RAP1A: variants seen among roughly 807,000 people sequenced by gnomAD.
The protein encoded by RAP1A is RAP1A, member of RAS oncogene family.
A neutral mutation model predicts 26.4 loss-of-function variants in RAP1A; 6 were observed. That is an observed-to-expected ratio of 0.23 (90% CI 0.12 to 0.45). The LOEUF (loss-of-function observed/expected upper bound fraction) is 0.45, where lower values mean the gene tolerates loss of function less well. Among genes scored for constraint, RAP1A ranks in the 20% least tolerant of loss-of-function variants. RAP1A has a pLI of 0.99. For missense variants in RAP1A, 121 were observed against 217.2 expected, an observed-to-expected ratio of 0.56 and a Z score of 2.78; for synonymous variants, 73 against 79.4, an observed-to-expected ratio of 0.92 and a Z score of 0.43.
intron 1 of RAP1A, among the ~76,000 whole-genome samples, chr1:111,585,939 A>G (rs904817836): frequency 6.6e-6 from 1 of 152,218 alleles, no homozygotes; most frequent in African/African-American, 2.4e-5. Flanking sequence ...GAAATAAAGG[A>G]CAATTCCTGC....
At chr1:111,607,650 G>A (rs766199708) in intron 1 of RAP1A, among the ~76,000 whole-genome samples, 6 of 121,768 alleles carry the variant, frequency 4.9e-5, no homozygotes, top group African/African-American at 9.3e-5. Context: ...GGCTGACCCC[G>A]CCACGTCCCT....
chr1:111,642,478 A>G (rs908954619), intron 1 of RAP1A, among the ~76,000 whole-genome samples: 1 of 151,056 alleles, frequency 6.6e-6, no homozygotes, highest in African/African-American at 2.4e-5. Flanking sequence ...CTGATAAACT[A>G]GAGTAGGTGT....
At chr1:111,628,124 T>C (rs1414456019) in intron 1 of RAP1A, among the ~76,000 whole-genome samples, 3 of 152,108 alleles carry the variant, frequency 2.0e-5, no homozygotes, top group Non-Finnish European at 4.4e-5. Flanking sequence ...CCCCATAGGA[T>C]TGTTGAGAGG....
At chr1:111,622,682 T>C (rs1243607889) in intron 1 of RAP1A, among the ~76,000 whole-genome samples, 1 of 152,246 alleles carries the variant, frequency 6.6e-6, no homozygotes, top group East Asian at 1.9e-4. Context: ...TAAAAAATAA[T>C]GTCAGTCATA....
intron 1 of RAP1A, among the ~76,000 whole-genome samples, chr1:111,642,234 A>C (rs937556345): frequency 2.0e-5 from 3 of 152,110 alleles, no homozygotes; most frequent in African/African-American, 7.2e-5. Flanking sequence ...AATAAGAGGG[A>C]AACTCCATCT....
chr1:111,551,198 A>T (rs1313019526), intron 1 of RAP1A, among the ~76,000 whole-genome samples: 1 of 152,158 alleles, frequency 6.6e-6, no homozygotes, highest in Non-Finnish European at 1.5e-5. Context: ...TCATTCTTCT[A>T]ACCTCTGCCT....
chr1:111,700,426 C>A (rs1390452387), intron 4 of RAP1A, among the ~76,000 whole-genome samples: 2 of 152,086 alleles, frequency 1.3e-5, no homozygotes, highest in African/African-American at 4.8e-5. Flanking sequence ...GCGGGAGATG[C>A]CACACACTTT....
intron 4 of RAP1A, among the ~76,000 whole-genome samples, chr1:111,700,278 G>GTAAA (rs768942755): frequency 7.2e-5 from 11 of 152,202 alleles, no homozygotes; most frequent in Non-Finnish European, 1.3e-4. Flanking sequence ...GAAGAAAAGA[G>GTAAA]GTTTAATTGG....
chr1:111,611,392 T>C (rs927709151), intron 1 of RAP1A, among the ~76,000 whole-genome samples: 2 of 152,194 alleles, frequency 1.3e-5, no homozygotes. Flanking sequence ...TTGTGTTAGC[T>C]CAGTTTGTTG....
At chr1:111,654,971 G>A (rs1660403173) in intron 1 of RAP1A, among the ~76,000 whole-genome samples, 1 of 151,856 alleles carries the variant, frequency 6.6e-6, no homozygotes. Flanking sequence ...AGGAGTTGGA[G>A]GCTGCACTAA....
intron 1 of RAP1A, among the ~76,000 whole-genome samples, chr1:111,655,980 C>T (rs560161894): frequency 2.0e-5 from 3 of 151,942 alleles, no homozygotes; most frequent in Non-Finnish European, 4.4e-5. Context: ...TGAGCCACCG[C>T]GCCCGGCCTC....
intron 1 of RAP1A, chr1:111,648,447 C>T (rs370897827): frequency 2.0e-5 from 11 of 556,228 alleles, no homozygotes; most frequent in Admixed American, 1.9e-4. Flanking sequence ...TGGTAGGTGG[C>T]GATCTCAGCC....
chr1:111,679,497 TTTTTC>T (rs201645220), intron 1 of RAP1A, among the ~76,000 whole-genome samples: 35 of 117,024 alleles, frequency 3.0e-4, no homozygotes, highest in African/African-American at 6.0e-4. Flanking sequence ...CTGTAGGAGG[TTTTTC>T]TTTTCTTTTC....
chr1:111,695,500 T>C, intron 3 of RAP1A, 91 bp downstream of exon 3: 2 of 864,540 alleles, frequency 2.3e-6, no homozygotes, highest in Non-Finnish European at 3.4e-6. Flanking sequence ...AAAATAGTTT[T>C]GAGAAATAAT....
intron 1 of RAP1A, among the ~76,000 whole-genome samples, chr1:111,594,349 G>A (rs1381197810): frequency 6.6e-6 from 1 of 152,170 alleles, no homozygotes; most frequent in Non-Finnish European, 1.5e-5. Context: ...TTGTGGTGGT[G>A]TGAGCCTGTA....
chr1:111,575,372 C>T (rs149526367), intron 1 of RAP1A, among the ~76,000 whole-genome samples: 1,757 of 152,258 alleles, frequency 0.012, 22 homozygotes, highest in African/African-American at 0.041. Flanking sequence ...AGGCTGGTCT[C>T]AAACTCCTGG....
chr1:111,680,669 C>T (rs1337453007), intron 1 of RAP1A: 6 of 153,644 alleles, frequency 3.9e-5, no homozygotes, highest in Non-Finnish European at 8.7e-5. Flanking sequence ...TGGGATGAAG[C>T]TTCCAGAGGA....
chr1:111,701,314 T>A (rs1410664613), intron 4 of RAP1A, among the ~76,000 whole-genome samples: 1 of 152,146 alleles, frequency 6.6e-6, no homozygotes, highest in Non-Finnish European at 1.5e-5. Context: ...GTAGTCTTCC[T>A]CCACATAACC....
intron 1 of RAP1A, among the ~76,000 whole-genome samples, chr1:111,636,403 T>C (rs1394566426): frequency 6.6e-6 from 1 of 152,140 alleles, no homozygotes; most frequent in Non-Finnish European, 1.5e-5. Flanking sequence ...GCTTATTTCT[T>C]TTCTGTTCTT....
Sources: allele counts gnomAD v4.1 joint callset (sites outside exome capture counted in the v4.1 genomes callset), GRCh38; gene constraint gnomAD v4.1.1; transcripts MANE v1.5; gene names NCBI Gene and HGNC (gene_info 2026-07-23, HGNC 2026-07-21).